The following ADARB2 variants were observed in gnomAD, a reference collection of about 807,000 sequenced individuals.
ADARB2 encodes adenosine deaminase RNA specific B2 (inactive), also known as inactive double-stranded RNA-specific editase B2.
Under a neutral mutation model 62.2 loss-of-function variants are expected in ADARB2, and 25 were observed. The observed-to-expected ratio is 0.40, with a 90% CI of 0.29 to 0.56. The LOEUF (loss-of-function observed/expected upper bound fraction) is 0.56. Among genes scored for constraint, ADARB2 ranks in the 20% least tolerant of loss-of-function variants. The probability of loss-of-function intolerance (pLI) is 0.43; values close to 1 mark genes in which losing one functional copy is unlikely to be tolerated. For missense variants in ADARB2, 1,071 were observed against 1,077.4 expected (o/e 0.99, Z 0.08); for synonymous variants, 572 against 500.8 (o/e 1.14, Z -1.90).
intron 2 of ADARB2, among the ~76,000 whole-genome samples, chr10:1,371,792 A>G (rs56792212): frequency 8.9e-6 from 1 of 112,240 alleles, no homozygotes; most frequent in Non-Finnish European, 2.0e-5. Context: ...AGTAAAAAAA[A>G]AAAAAAAAAA....
chr10:1,323,260 A>G (rs111907619), intron 3 of ADARB2, among the ~76,000 whole-genome samples: 2,581 of 152,110 alleles, frequency 0.017, 66 homozygotes, highest in African/African-American at 0.058. Context: ...TAAAAAAAAA[A>G]AAAAAAAACA....
chr10:1,636,358 A>G (rs934273947), intron 1 of ADARB2, among the ~76,000 whole-genome samples: 6 of 152,180 alleles, frequency 3.9e-5, no homozygotes, highest in African/African-American at 1.4e-4. Flanking sequence ...CTCTATAAAA[A>G]ATATAAAAAT....
intron 1 of ADARB2, among the ~76,000 whole-genome samples, chr10:1,719,289 G>T (rs1397776513): frequency 1.3e-5 from 2 of 152,074 alleles, no homozygotes; most frequent in Non-Finnish European, 2.9e-5. Flanking sequence ...CAATGCCCAG[G>T]GCACTACAGT....
Position 1,731,538 on chromosome 10 carries a change from A to G in ADARB2, c.100+5513T>C, listed in dbSNP as rs577299849. Among the ~76,000 whole-genome samples, 3 of 152,290 alleles carry G rather than the reference A, an allele frequency of 2.0e-5. No individual in the cohort carries two copies. In the East Asian group the frequency reaches 5.8e-4, roughly 29 times the overall value. On this transcript the variant is annotated intron_variant, in intron 1 of 9. Transcript: ENST00000381312. ...ATTGTTTCTTCTCTTTTTGAATGTA[A>G]TGTCTCTATTTGATATTGGTATGTT...
chr10:1,633,548 T>TCATC (rs1220178620), intron 1 of ADARB2, among the ~76,000 whole-genome samples: 6 of 85,306 alleles, frequency 7.0e-5, no homozygotes, highest in Non-Finnish European at 1.8e-4. Flanking sequence ...TGTCTATCTA[T>TCATC]CATCTATCTA....
At chr10:1,609,905 G>A (rs1416124971) in intron 1 of ADARB2, among the ~76,000 whole-genome samples, 1 of 152,248 alleles carries the variant, frequency 6.6e-6, no homozygotes, top group Non-Finnish European at 1.5e-5. Context: ...GGCGCTGACA[G>A]TCCCCGTCTG....
At chr10:1,412,134 T>C (rs1564282987) in intron 1 of ADARB2, among the ~76,000 whole-genome samples, 1 of 152,110 alleles carries the variant, frequency 6.6e-6, no homozygotes, top group South Asian at 2.1e-4. Context: ...CTGTGCCTTG[T>C]CAAGGGCCCT....
chr10:1,521,571 G>A (rs944778620), intron 1 of ADARB2, among the ~76,000 whole-genome samples: 10 of 152,204 alleles, frequency 6.6e-5, no homozygotes, highest in Non-Finnish European at 2.9e-5. Context: ...CAGACCTTAA[G>A]TCTGATAAGA....
chr10:1,579,280 A>C (rs1255541907), intron 1 of ADARB2, among the ~76,000 whole-genome samples: 1 of 152,202 alleles, frequency 6.6e-6, no homozygotes, highest in Non-Finnish European at 1.5e-5. Flanking sequence ...AATGAATAGA[A>C]GGCACAATTT....
At chr10:1,208,998 C>T (rs989634713) in intron 7 of ADARB2, among the ~76,000 whole-genome samples, 1 of 152,174 alleles carries the variant, frequency 6.6e-6, no homozygotes, top group African/African-American at 2.4e-5. Flanking sequence ...AGGGTATCCT[C>T]TTGTGGTTCA....
At position 1,515,131 on chromosome 10, in the gene ADARB2, A is replaced by G. The variant is rs149917631; in HGVS notation, c.101-135971T>C. 2.0e-5 allele frequency among the ~76,000 whole-genome samples: 3 copies of G among 152,348 alleles called. No individual in the cohort carries two copies. The East Asian group carries it at 5.8e-4, about 29-fold the overall frequency. ...GTTGCAGCAGCGATAGTGCAACATC[A>G]TTAACAAAAAAAGAACAAAATTGGA... On this transcript the variant is annotated intron_variant, in intron 1 of 9. Transcript: ENST00000381312.
chr10:1,494,758 G>A (rs979437396), intron 1 of ADARB2, among the ~76,000 whole-genome samples: 4 of 152,154 alleles, frequency 2.6e-5, no homozygotes, highest in Non-Finnish European at 4.4e-5. Context: ...GTGGAGCCAA[G>A]GGGTGAGTTG....
chr10:1,581,299 G>A (rs1833094153), intron 1 of ADARB2, among the ~76,000 whole-genome samples: 1 of 152,240 alleles, frequency 6.6e-6, no homozygotes, highest in Non-Finnish European at 1.5e-5. Context: ...CCCTGTGACA[G>A]CTACCTGGAA....
chr10:1,210,830 GC>G (rs1472527606), intron 7 of ADARB2, among the ~76,000 whole-genome samples: 1 of 152,192 alleles, frequency 6.6e-6, no homozygotes, highest in Admixed American at 6.5e-5. Flanking sequence ...GTTGGAAGCA[GC>G]CCCTTCCCGC....
At chr10:1,293,644 A>G (rs1245829918) in intron 3 of ADARB2, among the ~76,000 whole-genome samples, 2 of 152,124 alleles carry the variant, frequency 1.3e-5, no homozygotes, top group Non-Finnish European at 2.9e-5. Context: ...ATCCTCCACT[A>G]CCTTTGACAA....
intron 3 of ADARB2, among the ~76,000 whole-genome samples, chr10:1,323,134 A>G (rs931379712): frequency 6.6e-6 from 1 of 152,224 alleles, no homozygotes; most frequent in African/African-American, 2.4e-5. Flanking sequence ...ATGAATTAAC[A>G]CAGTAATACA....
intron 1 of ADARB2, among the ~76,000 whole-genome samples, chr10:1,384,657 A>G (rs1417560771): frequency 1.3e-5 from 2 of 152,208 alleles, no homozygotes; most frequent in African/African-American, 4.8e-5. Flanking sequence ...ACAACTTCCC[A>G]CCTGGAAGCT....
intron 1 of ADARB2, among the ~76,000 whole-genome samples, chr10:1,683,765 G>A (rs1297013667): frequency 6.6e-6 from 1 of 152,232 alleles, no homozygotes; most frequent in African/African-American, 2.4e-5. Flanking sequence ...TGAAGAAATT[G>A]TAGCTTGGAA....
intron 1 of ADARB2, among the ~76,000 whole-genome samples, chr10:1,705,612 T>C (rs908452486): frequency 1.3e-5 from 2 of 152,196 alleles, no homozygotes; most frequent in Non-Finnish European, 2.9e-5. Flanking sequence ...ATTTCAGACA[T>C]AACTGTCCTG....
Sources: allele counts gnomAD v4.1 joint callset (sites outside exome capture counted in the v4.1 genomes callset), GRCh38; gene constraint gnomAD v4.1.1; transcripts MANE v1.5; gene names NCBI Gene and HGNC (gene_info 2026-07-23, HGNC 2026-07-21).